Variants in HYDIN observed in about 807,000 individuals in gnomAD.
HYDIN encodes the protein axonemal central pair apparatus protein HYDIN.
A neutral mutation model predicts 403.9 loss-of-function variants in HYDIN; 132 were observed. The observed-to-expected ratio is 0.33, with a 90% CI of 0.28 to 0.38. The LOEUF (loss-of-function observed/expected upper bound fraction) is 0.38, where lower values mean the gene tolerates loss of function less well. Ranked by LOEUF, HYDIN falls within the 10% of genes least tolerant of loss-of-function variation. The pLI is 1.00. For synonymous variants in HYDIN, 1,202 were observed against 1,891.7 expected, an observed-to-expected ratio of 0.64 and a Z score of 9.46; for missense variants, 2,827 against 5,009.5, an observed-to-expected ratio of 0.56 and a Z score of 13.15.
At chr16:71,005,223 G>C (rs2079856883) in intron 23 of HYDIN, among the ~76,000 whole-genome samples, 1 of 152,068 alleles carries the variant, frequency 6.6e-6, no homozygotes, top group African/African-American at 2.4e-5. Flanking sequence ...CTATAATAGA[G>C]TTGTTTGCTA....
intron 40 of HYDIN, among the ~76,000 whole-genome samples, chr16:70,954,444 C>T (rs1483369961): frequency 1.4e-5 from 2 of 139,832 alleles, no homozygotes; most frequent in Non-Finnish European, 3.1e-5. Flanking sequence ...CAGAGAGATA[C>T]CTTGTCTCAA....
intron 77 of HYDIN, among the ~76,000 whole-genome samples, chr16:70,836,527 G>A (rs1474534379): frequency 6.6e-6 from 1 of 152,210 alleles, no homozygotes; most frequent in African/African-American, 2.4e-5. Context: ...AGTGGCAGTA[G>A]AGGCAGAGAA....
chr16:70,813,745 C>A (rs1276962501), intron 84 of HYDIN, among the ~76,000 whole-genome samples: 1 of 150,466 alleles, frequency 6.6e-6, no homozygotes, highest in Non-Finnish European at 1.5e-5. Context: ...AAGCTGATTT[C>A]AAAATTGATA....
chr16:71,216,248 C>A (rs770772656), intron 1 of HYDIN, among the ~76,000 whole-genome samples: 2 of 152,062 alleles, frequency 1.3e-5, no homozygotes, highest in Non-Finnish European at 1.5e-5. Context: ...GAAAAAATTG[C>A]CATATTCCTA....
chr16:70,990,591 A>G (rs1196153598), intron 25 of HYDIN, among the ~76,000 whole-genome samples: 4 of 151,796 alleles, frequency 2.6e-5, no homozygotes, highest in Non-Finnish European at 5.9e-5. Flanking sequence ...CATTTTTAAA[A>G]AAGAATTTCA....
intron 29 of HYDIN, 122 bp from the exon 30 acceptor site, chr16:70,979,163 T>C (rs557468677): frequency 3.3e-4 from 386 of 1,169,522 alleles, no homozygotes; most frequent in Admixed American, 6.4e-4. Flanking sequence ...AAGTGGACTT[T>C]TGGATACTTT....
intron 1 of HYDIN, among the ~76,000 whole-genome samples, chr16:71,217,063 T>C (rs936986362): frequency 6.6e-6 from 1 of 152,242 alleles, no homozygotes; most frequent in Admixed American, 6.5e-5. Context: ...CAGGTTCCTG[T>C]AAGTCTCCAG....
In HYDIN at chr16:71,000,598, C is replaced by T. The variant is rs184999743; in HGVS notation, c.3645-8388G>A. The stretch of plus-strand genomic sequence containing the variant: ...TATAAAGAGAGCTAAAGGCCTACCC[C>T]GCTCCATAAGTTTCCCTGTGCTTGG... On this transcript the variant is annotated intron_variant, in intron 23 of 85. Coordinates refer to ENST00000393567, the MANE Select transcript of HYDIN (RefSeq NM_001270974.2). Among the ~76,000 whole-genome samples the T allele has an allele frequency of 1.4e-3, 209 of 152,232 alleles. No individual in the cohort carries two copies. The Middle Eastern group carries it at 0.017, about 12-fold the overall frequency.
intron 1 of HYDIN, among the ~76,000 whole-genome samples, chr16:71,213,258 T>C (rs1025273214): frequency 1.3e-5 from 2 of 152,014 alleles, no homozygotes; most frequent in Non-Finnish European, 2.9e-5. Flanking sequence ...GGGGGAAACA[T>C]GGTCAACAGT....
intron 13 of HYDIN, among the ~76,000 whole-genome samples, chr16:71,070,817 C>T (rs997973877): frequency 1.7e-5 from 2 of 120,116 alleles, no homozygotes; most frequent in Non-Finnish European, 3.3e-5. Context: ...CTGTTGCTGT[C>T]GGGGCTATTT....
rs773858781 is a variant in HYDIN, at chr16:70,992,161, C to T, written c.3694G>A (p.Glu1232Lys). The T allele has an allele frequency of 1.2e-6, 2 of 1,610,932 alleles. No individual in the cohort carries two copies. Among genetic ancestry groups the T allele is most frequent in the Non-Finnish European group, 1.7e-6 (2 of 1,178,708 alleles). Reference protein sequence around the residue: ...KPYSAPVSQMESIPATSEAAS... With the variant: ...KPYSAPVSQMKSIPATSEAAS... ...GCCTCTGAGGTTGCTGGGATGGACT[C>T]CATCTGGGACACTGGGGCACTGTAG... Residue 1232 changes from glutamate to lysine, a missense_variant, in exon 24 of 86, where the codon GAG (glutamate) becomes AAG (lysine). Physicochemically the swap from Glu to Lys is moderately conservative, Grantham distance 56 (BLOSUM62 1). Coordinates refer to ENST00000393567, the MANE Select transcript of HYDIN (RefSeq NM_001270974.2).
intron 45 of HYDIN, among the ~76,000 whole-genome samples, chr16:70,926,222 C>T (rs1017565001): frequency 1.9e-4 from 28 of 151,046 alleles, no homozygotes; most frequent in Non-Finnish European, 3.5e-4. Flanking sequence ...AAATGTCCAA[C>T]AATGATAGAC....
chr16:71,098,748 A>T (rs2083364236), intron 10 of HYDIN, among the ~76,000 whole-genome samples: 1 of 151,320 alleles, frequency 6.6e-6, no homozygotes, highest in Admixed American at 6.6e-5. Flanking sequence ...AAAAAAAAAA[A>T]AAAAAAAAGG....
At chr16:71,196,546 T>C (rs929342166) in intron 1 of HYDIN, among the ~76,000 whole-genome samples, 3 of 152,176 alleles carry the variant, frequency 2.0e-5, no homozygotes. Context: ...ATCTTCACCT[T>C]GCAGATAGTA....
At chr16:70,811,633 G>A (rs1394098996) in intron 84 of HYDIN, among the ~76,000 whole-genome samples, 1 of 149,120 alleles carries the variant, frequency 6.7e-6, no homozygotes, top group Non-Finnish European at 1.5e-5. Flanking sequence ...CAAGGCAGGC[G>A]GATCACCTGA....
intron 46 of HYDIN, among the ~76,000 whole-genome samples, chr16:70,919,215 T>C (rs8055248): frequency 0.02 from 3,068 of 152,318 alleles, 94 homozygotes; most frequent in African/African-American, 0.068. Flanking sequence ...ATTGTTGAAT[T>C]ACCAGAGCCA....
In HYDIN at chr16:70,880,578, C is replaced by G. The variant is rs868528302; in HGVS notation, c.10216-822G>C. Among the ~76,000 whole-genome samples, 15 of 152,306 alleles carry G rather than the reference C, an allele frequency of 9.8e-5. No homozygotes were observed. The Middle Eastern group carries it at 0.014, about 138-fold the overall frequency. ...CCACGTGATGTGTTCTGACCTGTGCCTGAGGTGTCTGATTCACTGCAGTAA... is the reference window on the plus strand; with the variant it reads ...CCACGTGATGTGTTCTGACCTGTGCGTGAGGTGTCTGATTCACTGCAGTAA... On this transcript the variant is annotated intron_variant, in intron 60 of 85. Transcript: ENST00000393567.
Position 70,862,123 on chromosome 16 carries a change from A to G in HYDIN, c.11702T>C (p.Val3901Ala). Reference sequence around the variant, plus strand: ...TACTTTGAACTTCTGAATCTTCCCCACCGGCACGATTCCCGAAGAGGGCTC... The same window carrying G: ...TACTTTGAACTTCTGAATCTTCCCCGCCGGCACGATTCCCGAAGAGGGCTC... ...SVEPSSGIVP[V>A]GKIQKFKVKF... Residue 3901 changes from valine to alanine, a missense_variant, in exon 69 of 86, where the codon GTG becomes GCG. Transcript: ENST00000393567. 1.9e-6 allele frequency: 3 copies of G among 1,612,410 alleles called. No homozygotes were observed. Among genetic ancestry groups the G allele is most frequent in the Non-Finnish European group, 2.5e-6 (3 of 1,179,306 alleles).
At chr16:70,970,493 A>C (rs1295748725) in intron 36 of HYDIN, 27 bp downstream of exon 36, 20 of 1,604,652 alleles carry the variant, frequency 1.2e-5, no homozygotes, top group Non-Finnish European at 1.6e-5. Context: ...ACGTGTAGAA[A>C]AACAGTTTGG....
Sources: allele counts gnomAD v4.1 joint callset (sites outside exome capture counted in the v4.1 genomes callset), GRCh38; gene constraint gnomAD v4.1.1; transcripts MANE v1.5; gene names NCBI Gene and HGNC (gene_info 2026-07-23, HGNC 2026-07-21).